Variants in METTL4 observed in about 807,000 individuals in gnomAD.
METTL4 encodes the protein N(6)-adenine-specific methyltransferase METTL4.
Under a neutral mutation model 54.0 loss-of-function variants are expected in METTL4, and 40 were observed. The ratio of observed to expected loss-of-function variants is 0.74; its 90% CI spans 0.58 to 0.96. The LOEUF is 0.96. Ranked by LOEUF, METTL4 falls within the 50% of genes least tolerant of loss-of-function variation. The pLI, the probability that METTL4 is intolerant of heterozygous loss-of-function variation, is 0.00. For missense variants in METTL4, 525 were observed against 549.0 expected (o/e 0.96, Z 0.44); for synonymous variants, 169 against 183.8 (o/e 0.92, Z 0.65).
chr18:2,565,796 G>A (rs979502131), intron 2 of METTL4, among the ~76,000 whole-genome samples: 2 of 152,150 alleles, frequency 1.3e-5, no homozygotes, highest in Non-Finnish European at 2.9e-5. Context: ...TTGAGGCCGG[G>A]TGCAGTGGCT....
At chr18:2,554,350 C>G in intron 4 of METTL4, 2 of 212,936 alleles carry the variant, frequency 9.4e-6, no homozygotes, top group Non-Finnish European at 1.7e-5. Flanking sequence ...TGAAGTGTTT[C>G]TACTTTGCTA....
intron 3 of METTL4, among the ~76,000 whole-genome samples, chr18:2,560,835 G>A (rs755664095): frequency 1.3e-5 from 2 of 152,116 alleles, no homozygotes; most frequent in Non-Finnish European, 2.9e-5. Flanking sequence ...GCGGAGATGG[G>A]CCACTGCACT....
intron 7 of METTL4, 83 bp downstream of exon 7, chr18:2,544,570 T>C: frequency 1.1e-6 from 1 of 932,714 alleles, no homozygotes; most frequent in South Asian, 1.6e-5. Flanking sequence ...CATAAACATT[T>C]TAAAAAGTCA....
At position 2,567,226 on chromosome 18, in the gene METTL4, T is replaced by A; in HGVS notation, c.-10A>T. 6.4e-7 allele frequency: 1 copy of A among 1,552,192 alleles called. No homozygotes were observed. Among genetic ancestry groups the A allele is most frequent in the Non-Finnish European group, 8.7e-7 (1 of 1,151,780 alleles). On this transcript the variant is annotated 5_prime_UTR_variant, in exon 2 of 9. Transcript: ENST00000574538. ...GGTGTACCACAGACATTCCCTTCCT[T>A]TAAAAAAGCCTCTGGGAATTAGGAA... is the stretch of plus-strand genomic sequence containing the variant.
rs548521921 is a variant in METTL4 at position 2,561,340 on chromosome 18, C to T, written c.459+2457G>A. 14 of 152,194 alleles carry T rather than the reference C, an allele frequency of 9.2e-5. No homozygotes were observed. In the South Asian group the frequency reaches 2.7e-3, roughly 29 times the overall value. 9.4% of individuals were successfully genotyped at this position (152,194 alleles called of 1,614,324 possible). A position where few individuals can be genotyped will look rare whatever the true frequency, so the allele number is the denominator to read the frequency against. ...CTGGAAAATCCAAGAGATACAACAA[C>T]AAAAAATTACTACAACTTAACAAGA... On this transcript the variant is annotated intron_variant, in intron 3 of 8. Coordinates refer to ENST00000574538, the MANE Select transcript of METTL4 (RefSeq NM_022840.5).
intron 1 of METTL4, among the ~76,000 whole-genome samples, chr18:2,570,882 A>T (rs1259992329): frequency 6.6e-6 from 1 of 152,130 alleles, no homozygotes; most frequent in Non-Finnish European, 1.5e-5. Flanking sequence ...ATTCAAACTC[A>T]CAGCAGCGAG....
intron 8 of METTL4, 62 bp downstream of exon 8, chr18:2,544,132 TA>T: frequency 7.5e-7 from 1 of 1,325,042 alleles, no homozygotes; most frequent in Admixed American, 2.0e-5. Flanking sequence ...GTTTAAATAC[TA>T]AATGTACACT....
intron 6 of METTL4, among the ~76,000 whole-genome samples, chr18:2,546,302 T>C (rs1311553787): frequency 6.6e-6 from 1 of 152,142 alleles, no homozygotes; most frequent in Non-Finnish European, 1.5e-5. Flanking sequence ...GAGACCACAT[T>C]CACATAACAT....
At position 2,538,328 on chromosome 18, in the gene METTL4, A is replaced by G. The variant is rs2071940459; in HGVS notation, c.*672T>C. 1 of 163,372 alleles carries G rather than the reference A, an allele frequency of 6.1e-6. No homozygotes were observed. The highest frequency in any genetic ancestry group is 2.4e-5 in the African/African-American group (1 of 41,970). 10.1% of individuals were successfully genotyped at this position (163,372 alleles called of 1,614,324 possible). ...TTAAAACCCTACAAAAATGCTGTAT[A>G]AACTCAGTATACTAATGCAGTATTT... On this transcript the variant is annotated 3_prime_UTR_variant, in exon 9 of 9. Coordinates refer to ENST00000574538, the MANE Select transcript of METTL4 (RefSeq NM_022840.5).
intron 2 of METTL4, among the ~76,000 whole-genome samples, chr18:2,565,817 T>TGGGCAGATCACGAGGTC (rs2072401938): frequency 6.6e-6 from 1 of 151,878 alleles, no homozygotes; most frequent in African/African-American, 2.4e-5. Flanking sequence ...CAAGCCGAGG[T>TGGGCAGATCACGAGGTC]GGGCAGATCA....
rs537215626 is a variant in METTL4, at chr18:2,556,707, C to G, written c.460-1669G>C. On this transcript the variant is annotated intron_variant, in intron 3 of 8. Transcript: ENST00000574538. ...CAAAGATGTAAAGGAAAAAAATGAG[C>G]ATATTAAGAAGTGACATAGAGACAT... Among the ~76,000 whole-genome samples, 6 of 151,940 alleles carry G rather than the reference C, an allele frequency of 3.9e-5. No individual in the cohort carries two copies. The East Asian group carries it at 1.2e-3, about 29-fold the overall frequency.
At chr18:2,541,888 T>TTATG (rs1259729583) in intron 8 of METTL4, among the ~76,000 whole-genome samples, 4 of 152,204 alleles carry the variant, frequency 2.6e-5, no homozygotes, top group Non-Finnish European at 5.9e-5. Context: ...ACCCCTAGAG[T>TTATG]TATGATTTCA....
intron 1 of METTL4, among the ~76,000 whole-genome samples, chr18:2,569,482 T>C: frequency 6.6e-6 from 1 of 150,630 alleles, no homozygotes; most frequent in African/African-American, 2.5e-5. Context: ...CCCCTACCGC[T>C]CTCCCTTCCT....
intron 8 of METTL4, among the ~76,000 whole-genome samples, chr18:2,543,020 AG>A (rs1470718396): frequency 6.6e-6 from 1 of 150,756 alleles, no homozygotes; most frequent in African/African-American, 2.4e-5. Context: ...GCCACTCAGG[AG>A]GCTGAGGCAG....
chr18:2,555,790 T>C (rs1271838745), intron 3 of METTL4, among the ~76,000 whole-genome samples: 1 of 150,438 alleles, frequency 6.6e-6, no homozygotes, highest in African/African-American at 2.5e-5. Flanking sequence ...GCACAAAATA[T>C]GTTTGTTTGT....
At chr18:2,554,334 C>A (rs528876762) in intron 4 of METTL4, 106 of 206,680 alleles carry the variant, frequency 5.1e-4, no homozygotes, top group African/African-American at 2.4e-3. Context: ...AATTGATATT[C>A]ATAACTGAAG....
intron 5 of METTL4, among the ~76,000 whole-genome samples, chr18:2,552,364 T>G (rs2072175157): frequency 6.6e-6 from 1 of 152,156 alleles, no homozygotes; most frequent in Admixed American, 6.5e-5. Flanking sequence ...AACACTTTAT[T>G]AAGGAAAACT....
chr18:2,560,249 A>T (rs2072296412), intron 3 of METTL4, among the ~76,000 whole-genome samples: 1 of 152,222 alleles, frequency 6.6e-6, no homozygotes, highest in African/African-American at 2.4e-5. Flanking sequence ...TCTTCTATCA[A>T]TAAATAAAGA....
chr18:2,566,692 G>A (rs2072422481), intron 2 of METTL4, 129 bp downstream of exon 2: 1 of 675,800 alleles, frequency 1.5e-6, no homozygotes, highest in Non-Finnish European at 2.2e-6. Flanking sequence ...TTTCAGATAT[G>A]CTAAAGCCTT....
Sources: allele counts gnomAD v4.1 joint callset (sites outside exome capture counted in the v4.1 genomes callset), GRCh38; gene constraint gnomAD v4.1.1; transcripts MANE v1.5; gene names NCBI Gene and HGNC (gene_info 2026-07-23, HGNC 2026-07-21).